The following CFH variants were observed in gnomAD, a reference collection of about 807,000 sequenced individuals.
The protein encoded by CFH is H factor 1 (complement).
Under a neutral mutation model 147.3 loss-of-function variants are expected in CFH, and 53 were observed. The observed-to-expected ratio is 0.36, with a 90% CI of 0.29 to 0.45. The LOEUF is 0.45. Among genes scored for constraint, CFH ranks in the 20% least tolerant of loss-of-function variants. The probability of loss-of-function intolerance (pLI) is 1.00; values close to 1 mark genes in which losing one functional copy is unlikely to be tolerated. For synonymous variants in CFH, 536 were observed against 489.4 expected, an observed-to-expected ratio of 1.10 and a Z score of -1.26; for missense variants, 1,380 against 1,498.0, an observed-to-expected ratio of 0.92 and a Z score of 1.30.
rs1246634773 is a variant in CFH at position 196,658,417 on chromosome 1, T to A, written c.58+6242T>A. The stretch of plus-strand genomic sequence containing the variant: ...CACCTTGCTCAGGTAATTTTTTTTT[T>A]TTTTTTTTTTTTGAGATGGAGTCTT... On this transcript the variant is annotated intron_variant, in intron 1 of 21. Transcript: ENST00000367429. Among the ~76,000 whole-genome samples the A allele has an allele frequency of 5.9e-5, 8 of 134,528 alleles. 1 individual carries two copies. The South Asian group carries it at 1.7e-3, about 29-fold the overall frequency. 88.3% of individuals were successfully genotyped at this position (134,528 alleles called of 152,430 possible).
intron 11 of CFH, among the ~76,000 whole-genome samples, chr1:196,721,377 T>C (rs1229958242): frequency 6.6e-6 from 1 of 152,078 alleles, no homozygotes; most frequent in East Asian, 1.9e-4. Context: ...CTTTATGATA[T>C]TGATTTATAG....
At chr1:196,688,646 T>C (rs975223655) in intron 7 of CFH, among the ~76,000 whole-genome samples, 3 of 152,174 alleles carry the variant, frequency 2.0e-5, no homozygotes, top group Admixed American at 6.6e-5. Flanking sequence ...AGTCTCACTC[T>C]GTAACCCATG....
At chr1:196,706,805 C>A (rs1668601265) in intron 9 of CFH, among the ~76,000 whole-genome samples, 1 of 152,154 alleles carries the variant, frequency 6.6e-6, no homozygotes, top group Non-Finnish European at 1.5e-5. Context: ...TCCTCCACCC[C>A]CAGTACCAAG....
At chr1:196,732,829 G>A (rs1323791910) in intron 15 of CFH, among the ~76,000 whole-genome samples, 1 of 152,016 alleles carries the variant, frequency 6.6e-6, no homozygotes, top group Non-Finnish European at 1.5e-5. Context: ...TATTTTCATA[G>A]TGAAAGTGAA....
intron 1 of CFH, among the ~76,000 whole-genome samples, chr1:196,653,692 G>A (rs1243510826): frequency 6.6e-6 from 1 of 151,952 alleles, no homozygotes; most frequent in African/African-American, 2.4e-5. Flanking sequence ...AAACAATAGT[G>A]ATTTAAACAT....
chr1:196,655,185 T>C (rs1666645161), intron 1 of CFH, among the ~76,000 whole-genome samples: 1 of 151,758 alleles, frequency 6.6e-6, no homozygotes, highest in Non-Finnish European at 1.5e-5. Flanking sequence ...ACAATTTCAG[T>C]GGGCGGGGGA....
intron 17 of CFH, among the ~76,000 whole-genome samples, 195 bp from the exon 18 acceptor site, chr1:196,740,424 T>G (rs1558184432): frequency 1.3e-5 from 2 of 152,202 alleles, no homozygotes. Context: ...TTCAAGTCCT[T>G]CTTCAGTTGG....
chr1:196,656,967 GTTGTTTGT>G (rs369497669), intron 1 of CFH, among the ~76,000 whole-genome samples: 5 of 151,604 alleles, frequency 3.3e-5, no homozygotes, highest in Admixed American at 6.6e-5. Context: ...TCACTGTTAA[GTTGTTTGT>G]TTGTTTGTTT....
At chr1:196,684,384 C>G (rs1438261401) in intron 6 of CFH, among the ~76,000 whole-genome samples, 1 of 151,948 alleles carries the variant, frequency 6.6e-6, no homozygotes, top group Non-Finnish European at 1.5e-5. Flanking sequence ...AATGCAGTAT[C>G]TCAATGTTTA....
rs56143265 is a variant in CFH, at chr1:196,677,161, A to G, written c.428-315A>G. On this transcript the variant is annotated intron_variant, in intron 4 of 21. Transcript: ENST00000367429. ...TATATTATTCTAGGGCATAAATGAA[A>G]ATGTATTTAATTATCTCAAGCTTTA... 9.8e-5 allele frequency: 25 copies of G among 254,052 alleles called. No homozygotes were observed. In the East Asian group the frequency reaches 2.3e-3, roughly 23 times the overall value. The allele number at this position is 254,052 out of a possible 1,614,324, so 15.7% of individuals were successfully genotyped here.
At chr1:196,714,597 A>ATGTGTGTGTG (rs3043112) in intron 10 of CFH, among the ~76,000 whole-genome samples, 43 of 103,926 alleles carry the variant, frequency 4.1e-4, no homozygotes, top group African/African-American at 1.6e-3. Context: ...ACTCAGTAAT[A>ATGTGTGTGTG]TGTGTGTGTG....
At chr1:196,736,037 C>T (rs434536) in intron 15 of CFH, among the ~76,000 whole-genome samples, 6,119 of 151,942 alleles carry the variant, frequency 0.04, 382 homozygotes, top group African/African-American at 0.13. Flanking sequence ...CTTCTAAACT[C>T]CCCCGTCAGT....
intron 1 of CFH, among the ~76,000 whole-genome samples, chr1:196,665,602 A>ATTT (rs1667054824): frequency 6.6e-6 from 1 of 151,670 alleles, no homozygotes; most frequent in African/African-American, 2.4e-5. Flanking sequence ...TTTATTTTTT[A>ATTT]TTTATTATTA....
chr1:196,696,145 C>T (rs143383749), intron 9 of CFH, among the ~76,000 whole-genome samples: 1 of 152,096 alleles, frequency 6.6e-6, no homozygotes, highest in Non-Finnish European at 1.5e-5. Flanking sequence ...AACTCTCCAC[C>T]AGAAGTCAAG....
intron 11 of CFH, among the ~76,000 whole-genome samples, chr1:196,718,315 T>C (rs926500575): frequency 6.6e-6 from 1 of 151,928 alleles, no homozygotes; most frequent in Non-Finnish European, 1.5e-5. Flanking sequence ...AATCCAATAA[T>C]TGAGATAGAA....
intron 7 of CFH, among the ~76,000 whole-genome samples, chr1:196,687,971 C>T (rs1330456430): frequency 9.2e-5 from 14 of 151,706 alleles, no homozygotes; most frequent in Non-Finnish European, 1.9e-4. Flanking sequence ...TTATAATCCA[C>T]ATAATAAATG....
intron 1 of CFH, among the ~76,000 whole-genome samples, chr1:196,658,301 G>A (rs896742367): frequency 2.6e-5 from 4 of 151,592 alleles, no homozygotes; most frequent in Non-Finnish European, 5.9e-5. Flanking sequence ...AGGCTGCAGC[G>A]TACTGGTGCA....
intron 18 of CFH, chr1:196,741,495 T>C: frequency 3.7e-6 from 1 of 270,426 alleles, no homozygotes; most frequent in South Asian, 3.9e-5. Flanking sequence ...CATGATCCAA[T>C]CACTTCCCAC....
Position 196,737,577 on chromosome 1 carries a change from CT to C in CFH, c.2701del (p.Cys901ValfsTer42). 1 of 1,613,378 alleles carries C rather than the reference CT, an allele frequency of 6.2e-7. No homozygotes were observed. On this transcript the variant is annotated frameshift_variant, in exon 17 of 22. Transcript: ENST00000367429. LOFTEE classifies it high-confidence loss of function. ...SYAHGTKLSYTCEGGFRISEE... is the reference protein window; with the variant it reads ...SYAHGTKLSYXCEGGFRISEE... The stretch of plus-strand genomic sequence containing the variant: ...GCACATGGGACTAAATTGAGTTATA[CT>C]TGTGAGGGTGGTTTCAGGATATCTG...
Sources: allele counts gnomAD v4.1 joint callset (sites outside exome capture counted in the v4.1 genomes callset), GRCh38; gene constraint gnomAD v4.1.1; transcripts MANE v1.5; gene names NCBI Gene and HGNC (gene_info 2026-07-23, HGNC 2026-07-21).